RTL1: variants seen among roughly 807,000 people sequenced by gnomAD.
The protein encoded by RTL1 is retrotransposon-like protein 1.
For missense variants in RTL1, 1,681 were observed against 1,767.5 expected, an observed-to-expected ratio of 0.95 and a Z score of 0.88; for synonymous variants, 727 against 748.4, an observed-to-expected ratio of 0.97 and a Z score of 0.47.
intron 2 of RTL1, among the ~76,000 whole-genome samples, chr14:100,899,830 G>A (rs2038918046): frequency 6.6e-6 from 1 of 152,046 alleles, no homozygotes; most frequent in Non-Finnish European, 1.5e-5. Flanking sequence ...AGCAAAACTC[G>A]GTAGCTCTCC....
In RTL1 at chr14:100,883,164, A is replaced by G. The variant is rs187784256; in HGVS notation, c.1625T>C (p.Ile542Thr). Reference sequence around the variant, plus strand: ...GCTCATGCCGTGCCTCTCTAGGGCAATGCATGGCGGGGGCGGGCGGAAGCA... The same window carrying G: ...GCTCATGCCGTGCCTCTCTAGGGCAGTGCATGGCGGGGGCGGGCGGAAGCA... ...KNCFRPPPPC[I>T]ALERHGMSLL... The change falls in exon 4 of 4, where the codon ATT becomes ACT. Residue 542 changes from isoleucine to threonine, a missense_variant. Transcript: ENST00000649591. The surrounding 1 kb of genome is among the most constrained non-coding windows in gnomAD (Gnocchi z 5.9). 6 of 1,597,458 alleles carry G rather than the reference A, an allele frequency of 3.8e-6. No individual in the cohort carries two copies. The East Asian group carries it at 1.1e-4, about 30-fold the overall frequency.
At chr14:100,888,213 T>G (rs2038720162) in intron 3 of RTL1, among the ~76,000 whole-genome samples, 1 of 152,086 alleles carries the variant, frequency 6.6e-6, no homozygotes, top group Non-Finnish European at 1.5e-5. Context: ...TAAAATCACA[T>G]CTCCTTAGCA....
At chr14:100,901,859 G>A (rs138666787) in intron 2 of RTL1, among the ~76,000 whole-genome samples, 61 of 152,220 alleles carry the variant, frequency 4.0e-4, no homozygotes, top group East Asian at 5.8e-4. Context: ...GAGGCACCCC[G>A]CCAACCATCT....
rs61993320 is a variant in RTL1 at position 100,883,937 on chromosome 14, C to T, written c.852G>A (p.Leu284=). The T allele has an allele frequency of 0.027, 42,446 of 1,551,660 alleles. 709 individuals carry two copies. The highest frequency in any genetic ancestry group is 0.031 in the Non-Finnish European group (35,774 of 1,146,992). ...MSEVFEYRQA[L]RVAEEAMFTI... ...TGAACATGGCCTCTTCTGCCACACG[C>T]AGTGCCTGGCGGTACTCAAACACTT... Residue 284 remains leucine (L), a synonymous_variant, in exon 4 of 4, where the codon CTG becomes CTA. Transcript: ENST00000649591. This position sits in a 1 kb window ranked among gnomAD's most constrained non-coding sequence, Gnocchi z 5.9.
chr14:100,887,484 T>G (rs2038710222), intron 3 of RTL1, among the ~76,000 whole-genome samples: 1 of 152,184 alleles, frequency 6.6e-6, no homozygotes, highest in Non-Finnish European at 1.5e-5. Flanking sequence ...CCAGGCACGG[T>G]GACTCACAGC....
chr14:100,890,066 C>A (rs1379205730), intron 3 of RTL1, among the ~76,000 whole-genome samples: 1 of 93,102 alleles, frequency 1.1e-5, no homozygotes, highest in African/African-American at 3.3e-5. Flanking sequence ...AAAATTCCCG[C>A]CTTATTTGAA....
Position 100,884,005 on chromosome 14 carries a change from G to T in RTL1, c.784C>A (p.Pro262Thr), listed in dbSNP as rs181585821. The T allele has an allele frequency of 2.8e-3, 4,274 of 1,551,726 alleles. 12 individuals carry two copies. The highest frequency in any genetic ancestry group is 3.3e-3 in the Non-Finnish European group (3,746 of 1,147,004). The stretch of plus-strand genomic sequence containing the variant: ...AAGGCTGGGAAGTCTCCGATCAGGG[G>T]GCTGTTTTCCTGCAGTAGAGCTTTG... ...WAKALLQENS[P>T]LIGDFPAFLE... is the part of the protein sequence containing the mutation. Residue 262 changes from proline (P) to threonine (T), a missense_variant, in exon 4 of 4, where the codon CCC becomes ACC. Pro to Thr is a conservative substitution (Grantham distance 38, BLOSUM62 -1). Coordinates refer to ENST00000649591, the MANE Select transcript of RTL1 (RefSeq NM_001134888.3).
rs1240659522 is a variant in RTL1, at chr14:100,883,428, G to C, written c.1361C>G (p.Pro454Arg). The C allele has an allele frequency of 1.3e-6, 2 of 1,550,228 alleles. No individual in the cohort carries two copies. The highest frequency in any genetic ancestry group is 4.9e-5 in the East Asian group (2 of 40,836). Reference protein sequence around the residue: ...QEHYVELYEKPYPQPVQSVDG... With the variant: ...QEHYVELYEKRYPQPVQSVDG... The stretch of plus-strand genomic sequence containing the variant: ...CACGGATTGGACCGGCTGTGGGTAC[G>C]GCTTCTCGTAGAGCTCGACGTAGTG... Residue 454 changes from proline (P) to arginine (R), a missense_variant, in exon 4 of 4, where the codon CCG becomes CGG. Pro to Arg is a moderately radical substitution (Grantham distance 103). Transcript: ENST00000649591. This position sits in a 1 kb window ranked among gnomAD's most constrained non-coding sequence, Gnocchi z 5.9.
At chr14:100,899,245 C>A (rs182817288) in intron 2 of RTL1, among the ~76,000 whole-genome samples, 9 of 152,308 alleles carry the variant, frequency 5.9e-5, no homozygotes, top group African/African-American at 2.2e-4. Context: ...GCGGGAGTAG[C>A]GTCTCAGTGT....
rs1002446539 is a variant in RTL1, at chr14:100,883,655, G to A, written c.1134C>T (p.Asn378=). The A allele has an allele frequency of 1.3e-6, 2 of 1,551,046 alleles. No individual in the cohort carries two copies. Among genetic ancestry groups the A allele is most frequent in the African/African-American group, 2.7e-5 (2 of 72,898 alleles). ...GAGCAGGTGAGTCGATCCAGGTCAG[G>A]TTCCGGGGGCGGGCCTCGGGGGGCA... The part of the protein sequence containing the change: ...LRLPPEARPR[N]LTWIDSPAPE... Residue 378 remains asparagine (N), a synonymous_variant, in exon 4 of 4, where the codon AAC becomes AAT. Coordinates refer to ENST00000649591, the MANE Select transcript of RTL1 (RefSeq NM_001134888.3). This position sits in a 1 kb window ranked among gnomAD's most constrained non-coding sequence, Gnocchi z 5.9.
intron 3 of RTL1, among the ~76,000 whole-genome samples, chr14:100,890,479 A>AGG (rs1341830720): frequency 1.7e-3 from 108 of 63,080 alleles, no homozygotes; most frequent in African/African-American, 6.4e-3. Context: ...ATTAGGGGAG[A>AGG]GGTGAGGACA....
At chr14:100,890,074 G>GAAAAAAA (rs55688942) in intron 3 of RTL1, among the ~76,000 whole-genome samples, 1 of 123,892 alleles carries the variant, frequency 8.1e-6, no homozygotes, top group Non-Finnish European at 1.7e-5. Context: ...CGCCTTATTT[G>GAAAAAAA]AAAAAAAAAA....
chr14:100,889,382 TG>T (rs1038239833), intron 3 of RTL1, among the ~76,000 whole-genome samples: 5 of 152,230 alleles, frequency 3.3e-5, no homozygotes, highest in African/African-American at 1.2e-4. Context: ...TAAAAATCTT[TG>T]GATTGCTCTT....
At chr14:100,889,692 A>G (rs2038742439) in intron 3 of RTL1, 1 of 152,222 alleles carries the variant, frequency 6.6e-6, no homozygotes, top group Admixed American at 6.5e-5. Context: ...AGGCAGACCC[A>G]TCTTGCAGGT....
In RTL1 at chr14:100,881,162, G is replaced by A; in HGVS notation, c.3627C>T (p.Gly1209=). ...GGTTCTGACGCAGGGCAGGGAGGTG[G>A]CCCTCCTGGGGGGTGACTCTGACAC... is the stretch of plus-strand genomic sequence containing the variant. ...FFGVRVTPQE[G]HLPALRQNRY... The change falls in exon 4 of 4, where the codon GGC becomes GGT. Residue 1209 remains glycine (G), a synonymous_variant. Transcript: ENST00000649591. The surrounding 1 kb of genome is among the most constrained non-coding windows in gnomAD (Gnocchi z 6.6). The A allele has an allele frequency of 6.5e-7, 1 of 1,543,054 alleles. No homozygotes were observed. Among genetic ancestry groups the A allele is most frequent in the South Asian group, 1.2e-5 (1 of 81,966 alleles).
chr14:100,899,343 GGGTCT>G, intron 2 of RTL1, among the ~76,000 whole-genome samples: 1 of 152,316 alleles, frequency 6.6e-6, no homozygotes, highest in East Asian at 1.9e-4. Flanking sequence ...AGAGGTAAAC[GGGTCT>G]GGTCCCAGAA....
At chr14:100,898,057 T>C in intron 2 of RTL1, 1 of 459,778 alleles carries the variant, frequency 2.2e-6, no homozygotes, top group African/African-American at 2.0e-5. Context: ...TTCCACGGTA[T>C]GTATGCACCA....
chr14:100,881,065 G>A lies in RTL1; in HGVS notation c.3724C>T (p.Arg1242Cys), dbSNP rs765417912. Residue 1242 changes from arginine to cysteine, a missense_variant, in exon 4 of 4, where the codon CGT (arginine) becomes TGT (cysteine). Arg to Cys is a radical substitution (Grantham distance 180). Coordinates refer to ENST00000649591, the MANE Select transcript of RTL1 (RefSeq NM_001134888.3). This position sits in a 1 kb window ranked among gnomAD's most constrained non-coding sequence, Gnocchi z 6.6. ...TCATGCAGGCCACACTGACGGTAAC[G>A]TTGCAGGTCGTCTTGCAGGGCTTCT... Reference protein sequence around the residue: ...LREALQDDLQRYRQCGLHDGL... With the variant: ...LREALQDDLQCYRQCGLHDGL... 2.7e-5 allele frequency: 43 copies of A among 1,602,876 alleles called. No homozygotes were observed. The highest frequency in any genetic ancestry group is 1.6e-4 in the Middle Eastern group (1 of 6,072).
chr14:100,897,848 C>G (rs898818707), intron 2 of RTL1: 2 of 355,122 alleles, frequency 5.6e-6, no homozygotes, highest in Non-Finnish European at 1.2e-5. Flanking sequence ...GGAGTGGGCT[C>G]ACGAGTGTTT....
Sources: allele counts gnomAD v4.1 joint callset (sites outside exome capture counted in the v4.1 genomes callset), GRCh38; gene constraint gnomAD v4.1.1; non-coding constraint Gnocchi (gnomAD v3.1); transcripts MANE v1.5; gene names NCBI Gene and HGNC (gene_info 2026-07-23, HGNC 2026-07-21).